PTPN5: variants seen among roughly 807,000 people sequenced by gnomAD.
PTPN5 encodes tyrosine-protein phosphatase non-receptor type 5.
A neutral mutation model predicts 73.9 loss-of-function variants in PTPN5; 29 were observed. The ratio of observed to expected loss-of-function variants is 0.39; its 90% CI spans 0.29 to 0.54. The LOEUF (loss-of-function observed/expected upper bound fraction) is 0.54, where lower values mean the gene tolerates loss of function less well. Ranked by LOEUF, PTPN5 falls within the 20% of genes least tolerant of loss-of-function variation. The probability of loss-of-function intolerance (pLI) is 0.65; values close to 1 mark genes in which losing one functional copy is unlikely to be tolerated. For missense variants in PTPN5, 652 were observed against 751.4 expected (o/e 0.87, Z 1.55); for synonymous variants, 267 against 304.7 (o/e 0.88, Z 1.29).
chr11:18,754,264 T>C (rs1299264388), intron 3 of PTPN5, among the ~76,000 whole-genome samples: 4 of 152,168 alleles, frequency 2.6e-5, no homozygotes, highest in Non-Finnish European at 5.9e-5. Context: ...CCCTTCACCC[T>C]GTTTGCATCC....
At chr11:18,735,939 C>T (rs1433307530) in intron 9 of PTPN5, among the ~76,000 whole-genome samples, 2 of 152,136 alleles carry the variant, frequency 1.3e-5, no homozygotes, top group Non-Finnish European at 2.9e-5. Flanking sequence ...AGGTTTACTG[C>T]AATGATCCAA....
chr11:18,753,795 G>A (rs1850003066), intron 3 of PTPN5, among the ~76,000 whole-genome samples: 1 of 152,208 alleles, frequency 6.6e-6, no homozygotes, highest in Non-Finnish European at 1.5e-5. Flanking sequence ...GAGCTGGTGG[G>A]CCAAGTGTTC....
intron 3 of PTPN5, among the ~76,000 whole-genome samples, chr11:18,756,640 C>T (rs1413885496): frequency 2.0e-5 from 3 of 151,702 alleles, no homozygotes; most frequent in African/African-American, 4.8e-5. Flanking sequence ...GAAACAGCAC[C>T]GGCCGGGCGC....
chr11:18,763,669 G>A (rs982729248), intron 3 of PTPN5, among the ~76,000 whole-genome samples: 3 of 152,182 alleles, frequency 2.0e-5, no homozygotes, highest in Non-Finnish European at 4.4e-5. Context: ...CTTAGGGAAG[G>A]GACTATGTCT....
intron 2 of PTPN5, among the ~76,000 whole-genome samples, chr11:18,770,987 T>C (rs925895105): frequency 6.6e-6 from 1 of 152,140 alleles, no homozygotes; most frequent in Non-Finnish European, 1.5e-5. Flanking sequence ...TCTCCTAACA[T>C]GAAGTCCCAG....
intron 9 of PTPN5, among the ~76,000 whole-genome samples, chr11:18,737,010 A>G (rs1213144625): frequency 6.6e-6 from 1 of 152,216 alleles, no homozygotes; most frequent in Non-Finnish European, 1.5e-5. Flanking sequence ...AGTTAAAAAT[A>G]AGTCATGACA....
At chr11:18,767,727 A>C (rs1279118976) in intron 2 of PTPN5, among the ~76,000 whole-genome samples, 1 of 152,268 alleles carries the variant, frequency 6.6e-6, no homozygotes. Flanking sequence ...CTCAACGTTT[A>C]TCACATAACC....
At position 18,771,775 on chromosome 11, in the gene PTPN5, A is replaced by G. The variant is rs916212821; in HGVS notation, c.20+164T>C. ...TAATGCCATCCAGATTTTCATCAGC[A>G]CGTTCAGCAGGCAGGGGCAGAGGGC... On this transcript the variant is annotated intron_variant, in intron 2 of 14. Coordinates refer to ENST00000358540, the MANE Select transcript of PTPN5 (RefSeq NM_006906.2). 2.0e-5 allele frequency among the ~76,000 whole-genome samples: 3 copies of G among 152,322 alleles called. No homozygotes were observed. In the East Asian group the frequency reaches 5.8e-4, roughly 29 times the overall value.
At chr11:18,732,005 CACA>C (rs1848898531) in intron 12 of PTPN5, among the ~76,000 whole-genome samples, 1 of 152,196 alleles carries the variant, frequency 6.6e-6, no homozygotes. Context: ...CTGGAGGAAG[CACA>C]ACTTCAGGGT....
chr11:18,781,566 C>T (rs370307997), intron 1 of PTPN5, among the ~76,000 whole-genome samples: 8 of 152,072 alleles, frequency 5.3e-5, no homozygotes, highest in African/African-American at 9.7e-5. Flanking sequence ...GTGATCCACC[C>T]GCCTCGGCCT....
At chr11:18,764,183 A>G (rs954615240) in intron 3 of PTPN5, among the ~76,000 whole-genome samples, 1 of 152,104 alleles carries the variant, frequency 6.6e-6, no homozygotes, top group African/African-American at 2.4e-5. Flanking sequence ...CGGAACACGC[A>G]TTTCTTCCTC....
intron 1 of PTPN5, among the ~76,000 whole-genome samples, chr11:18,773,248 G>A (rs1850991926): frequency 6.6e-6 from 1 of 151,612 alleles, no homozygotes; most frequent in African/African-American, 2.4e-5. Context: ...AGTTCCTGGA[G>A]GAGCTATCCT....
At position 18,761,754 on chromosome 11, in the gene PTPN5, G is replaced by T. The variant is rs56713772; in HGVS notation, c.97+4053C>A. On this transcript the variant is annotated intron_variant, in intron 3 of 14. Coordinates refer to ENST00000358540, the MANE Select transcript of PTPN5 (RefSeq NM_006906.2). ...AAGGGGTACAGTAGTGGGAGAAAGA[G>T]AAAGACACCTAAGGAGGGAATGAGA... Among the ~76,000 whole-genome samples the T allele has an allele frequency of 5.5e-3, 830 of 152,232 alleles. 8 individuals are homozygous for T. Among genetic ancestry groups the T allele is most frequent in the African/African-American group, 0.019 (791 of 41,510 alleles).
chr11:18,748,279 T>C (rs1289872600), intron 3 of PTPN5, among the ~76,000 whole-genome samples: 1 of 152,110 alleles, frequency 6.6e-6, no homozygotes, highest in Non-Finnish European at 1.5e-5. Context: ...CCTCGGATAA[T>C]GTGTGATCAT....
intron 1 of PTPN5, among the ~76,000 whole-genome samples, chr11:18,787,092 G>A (rs922131882): frequency 3.9e-5 from 6 of 152,116 alleles, no homozygotes; most frequent in Non-Finnish European, 7.4e-5. Context: ...TTACTATTTC[G>A]TCTTAGTCAA....
Position 18,743,366 on chromosome 11 carries a change from G to C in PTPN5, c.355C>G (p.Leu119Val). ...GHIWSQNATN[L>V]VSSLLTLLKQ... ...AGGAGCGTCAGCAAAGAGGAGACGA[G>C]GTTTGTGGCGTTCTGTGACCAGATG... Residue 119 changes from leucine (L) to valine (V), a missense_variant, in exon 5 of 15, where the codon CTC becomes GTC. Leu to Val is a conservative substitution (Grantham distance 32). Around this residue, in one of 3 missense-constraint regions of PTPN5, gnomAD observed 529 missense variants for 573.9 expected, o/e 0.92. Coordinates refer to ENST00000358540, the MANE Select transcript of PTPN5 (RefSeq NM_006906.2). 1 of 1,614,178 alleles carries C rather than the reference G, an allele frequency of 6.2e-7. No individual in the cohort carries two copies. Among genetic ancestry groups the C allele is most frequent in the South Asian group, 1.1e-5 (1 of 91,084 alleles).
chr11:18,790,827 C>T (rs1173184897), intron 1 of PTPN5, among the ~76,000 whole-genome samples: 1 of 152,084 alleles, frequency 6.6e-6, no homozygotes, highest in East Asian at 1.9e-4. Context: ...GACCTTGGTC[C>T]GCCACCTTAC....
At chr11:18,768,214 G>C (rs1341488874) in intron 2 of PTPN5, among the ~76,000 whole-genome samples, 1 of 152,224 alleles carries the variant, frequency 6.6e-6, no homozygotes, top group Non-Finnish European at 1.5e-5. Flanking sequence ...TTTGTGGACG[G>C]GTCTTTGCTA....
intron 2 of PTPN5, among the ~76,000 whole-genome samples, chr11:18,769,563 C>T (rs1272945531): frequency 2.6e-5 from 4 of 152,136 alleles, no homozygotes; most frequent in Non-Finnish European, 5.9e-5. Context: ...CCACTATGCC[C>T]AGCTAATTTT....
Sources: allele counts gnomAD v4.1 joint callset (sites outside exome capture counted in the v4.1 genomes callset), GRCh38; gene constraint gnomAD v4.1.1; regional missense constraint gnomAD v4.1.1; transcripts MANE v1.5; gene names NCBI Gene and HGNC (gene_info 2026-07-23, HGNC 2026-07-21).